AK7: variants seen among roughly 807,000 people sequenced by gnomAD.
The protein encoded by AK7 is ATP-AMP transphosphorylase 7.
In AK7, 78 loss-of-function variants were observed where a neutral mutation model predicts 96.6. That is an observed-to-expected ratio of 0.81 (90% CI 0.67 to 0.97). The LOEUF is 0.97. Ranked by LOEUF, AK7 falls within the 50% of genes least tolerant of loss-of-function variation. The pLI is 0.00. For synonymous variants in AK7, 302 were observed against 317.2 expected, an observed-to-expected ratio of 0.95 and a Z score of 0.51; for missense variants, 855 against 887.9, an observed-to-expected ratio of 0.96 and a Z score of 0.47.
At chr14:96,471,141 G>T (rs1252089285) in intron 12 of AK7, among the ~76,000 whole-genome samples, 1 of 151,970 alleles carries the variant, frequency 6.6e-6, no homozygotes, top group Non-Finnish European at 1.5e-5. Context: ...AGACTAGCCT[G>T]GGCAACATTG....
intron 5 of AK7, chr14:96,424,186 G>T (rs1245876570): frequency 1.9e-5 from 11 of 586,186 alleles, no homozygotes; most frequent in African/African-American, 5.8e-5. Context: ...AGGCTCCAGG[G>T]CCCGGACCGC....
chr14:96,482,827 A>C lies in AK7; in HGVS notation c.1754-172A>C, dbSNP rs568368779. Among the ~76,000 whole-genome samples the C allele has an allele frequency of 7.2e-5, 11 of 152,330 alleles. 1 individual carries two copies. The highest frequency in any genetic ancestry group is 2.4e-4 in the African/African-American group (10 of 41,578). ...CCCACAGCCCTCAGACTCTGGTCTG[A>C]TATTTGCCCGTGAGAGAAGAAATTC... is the stretch of plus-strand genomic sequence containing the variant. On this transcript the variant is annotated intron_variant, in intron 15 of 17. Transcript: ENST00000267584.
At chr14:96,450,768 C>CTTTTTT (rs937558741) in intron 9 of AK7, among the ~76,000 whole-genome samples, 7 of 93,178 alleles carry the variant, frequency 7.5e-5, no homozygotes, top group Admixed American at 1.3e-4. Context: ...ATATTTTTCT[C>CTTTTTT]TTTTTTTTTT....
chr14:96,409,052 C>A (rs1209620288), intron 4 of AK7, 111 bp downstream of exon 4: 1 of 1,045,892 alleles, frequency 9.6e-7, no homozygotes, highest in Non-Finnish European at 1.4e-6. Flanking sequence ...ACTCCTGAAT[C>A]CTATCCCATA....
intron 6 of AK7, among the ~76,000 whole-genome samples, chr14:96,440,015 A>G (rs1462282409): frequency 6.6e-6 from 1 of 152,162 alleles, no homozygotes; most frequent in African/African-American, 2.4e-5. Flanking sequence ...TTACTCTTTC[A>G]CCCAGGCTGG....
chr14:96,450,155 G>A (rs546635311), intron 9 of AK7, among the ~76,000 whole-genome samples: 3 of 152,012 alleles, frequency 2.0e-5, no homozygotes, highest in Non-Finnish European at 2.9e-5. Flanking sequence ...GGTGATTCAC[G>A]CCTATAATCC....
chr14:96,400,153 C>T (rs941320168), intron 2 of AK7, among the ~76,000 whole-genome samples: 1 of 150,644 alleles, frequency 6.6e-6, no homozygotes, highest in Admixed American at 6.7e-5. Flanking sequence ...ATTCTCCTGC[C>T]TCAGCCTCCC....
intron 4 of AK7, among the ~76,000 whole-genome samples, chr14:96,409,930 G>C (rs1197301731): frequency 6.6e-6 from 1 of 152,192 alleles, no homozygotes; most frequent in Admixed American, 6.5e-5. Context: ...AATAGCAATG[G>C]TGTGTTCAAG....
At chr14:96,412,431 T>G (rs1178748297) in intron 4 of AK7, among the ~76,000 whole-genome samples, 1 of 151,750 alleles carries the variant, frequency 6.6e-6, no homozygotes, top group Non-Finnish European at 1.5e-5. Context: ...TTTCACCATG[T>G]TGGTCAGGCT....
rs571632380 is a variant in AK7, at chr14:96,443,877, C to A, written c.779+1059C>A. The stretch of plus-strand genomic sequence containing the variant: ...CAAGCTCTACCTCCCAGGTTCATGC[C>A]ATTCTCCTGCCTCAGCCTCCCAAGT... On this transcript the variant is annotated intron_variant, in intron 7 of 17. Transcript: ENST00000267584. Among the ~76,000 whole-genome samples the A allele has an allele frequency of 3.8e-4, 57 of 150,740 alleles. 1 individual carries two copies. The South Asian group carries it at 0.011, about 29-fold the overall frequency.
At position 96,486,399 on chromosome 14, in the gene AK7, A is replaced by G. The variant is rs1895774054; in HGVS notation, c.1975-499A>G. 3.3e-5 allele frequency among the ~76,000 whole-genome samples: 5 copies of G among 152,342 alleles called. No individual in the cohort carries two copies. In the East Asian group the frequency reaches 9.6e-4, roughly 29 times the overall value. On this transcript the variant is annotated intron_variant, in intron 16 of 17. Transcript: ENST00000267584. ...TTTGTACTCGTACTGTTTACAATTT[A>G]GGTATTGTAAATTGTAACCAATTTT...
At chr14:96,460,218 G>A (rs1205036542) in intron 12 of AK7, among the ~76,000 whole-genome samples, 1 of 152,178 alleles carries the variant, frequency 6.6e-6, no homozygotes, top group East Asian at 1.9e-4. Context: ...GCAGTCAGTA[G>A]CAGTTATTAG....
intron 13 of AK7, 129 bp downstream of exon 13, chr14:96,471,735 A>G: frequency 2.5e-6 from 2 of 812,006 alleles, no homozygotes; most frequent in East Asian, 3.3e-5. Flanking sequence ...GCTTTGGCTC[A>G]CCTTTCTTTA....
At position 96,392,263 on chromosome 14, in the gene AK7, A is replaced by AGCG. The variant is rs777371399; in HGVS notation, c.105+16_105+18dup. On this transcript the variant is annotated splice_donor_region_variant and intron_variant, in intron 1 of 17. Coordinates refer to ENST00000267584, the MANE Select transcript of AK7 (RefSeq NM_152327.5). ...CAGCAGCGGAAACATCGGGAAGGTGAGCGGCGGCGGCGGCCCAGAGCCTCA... is the reference window on the plus strand; with the variant it reads ...CAGCAGCGGAAACATCGGGAAGGTGAGCGGCGGCGGCGGCGGCCCAGAGCCTCA... 1.9e-6 allele frequency: 3 copies of AGCG among 1,610,182 alleles called. No homozygotes were observed. Among genetic ancestry groups the AGCG allele is most frequent in the East Asian group, 2.2e-5 (1 of 44,770 alleles).
At chr14:96,455,371 G>C (rs1048148641) in intron 10 of AK7, among the ~76,000 whole-genome samples, 3 of 152,030 alleles carry the variant, frequency 2.0e-5, no homozygotes, top group African/African-American at 4.8e-5. Flanking sequence ...TGTAGTCCCA[G>C]ATACTTGTGA....
At chr14:96,397,801 G>A (rs943293666) in intron 1 of AK7, among the ~76,000 whole-genome samples, 2 of 152,212 alleles carry the variant, frequency 1.3e-5, no homozygotes, top group Non-Finnish European at 2.9e-5. Context: ...CTGTGACCCA[G>A]CTCTGCCTGC....
In AK7 at chr14:96,444,626, A is replaced by G. The variant is rs188823165; in HGVS notation, c.779+1808A>G. 3.2e-3 allele frequency among the ~76,000 whole-genome samples: 481 copies of G among 152,352 alleles called. 12 individuals carry two copies. The highest frequency in any genetic ancestry group is 0.028 in the Admixed American group (430 of 15,312). ...CCAAACAAGCCAGTTTCAGTCTTCAATAGGCATGATAATAAAGCTCTCTGT... is the reference window on the plus strand; with the variant it reads ...CCAAACAAGCCAGTTTCAGTCTTCAGTAGGCATGATAATAAAGCTCTCTGT... On this transcript the variant is annotated intron_variant, in intron 7 of 17. Coordinates refer to ENST00000267584, the MANE Select transcript of AK7 (RefSeq NM_152327.5).
At chr14:96,459,140 C>A (rs1894115412) in intron 12 of AK7, among the ~76,000 whole-genome samples, 2 of 151,970 alleles carry the variant, frequency 1.3e-5, no homozygotes, top group South Asian at 4.1e-4. Context: ...GAGTTTGAGA[C>A]CAGCTTGGCC....
intron 14 of AK7, among the ~76,000 whole-genome samples, chr14:96,477,166 G>A (rs1566810880): frequency 6.6e-6 from 1 of 152,192 alleles, no homozygotes; most frequent in Non-Finnish European, 1.5e-5. Context: ...ATGCAGAATG[G>A]AGGTAGTATC....
Sources: gnomAD v4.1 joint callset for allele counts (sites outside exome capture counted in the v4.1 genomes callset) on GRCh38, gnomAD v4.1.1 for gene constraint, MANE v1.5 for transcripts, NCBI Gene and HGNC (gene_info 2026-07-23, HGNC 2026-07-21) for gene names.